Variants in ARSJ observed in about 807,000 individuals in gnomAD.
ARSJ encodes the protein arylsulfatase J.
In ARSJ, 26 loss-of-function variants were observed where a neutral mutation model predicts 35.9. The observed-to-expected ratio is 0.72, with a 90% CI of 0.53 to 1.00. The LOEUF (loss-of-function observed/expected upper bound fraction) is 1.00, where lower values mean the gene tolerates loss of function less well. Among genes scored for constraint, ARSJ ranks in the 50% least tolerant of loss-of-function variants. The pLI, the probability that ARSJ is intolerant of heterozygous loss-of-function variation, is 0.00. For missense variants in ARSJ, 667 were observed against 723.6 expected (o/e 0.92, Z 0.90); for synonymous variants, 294 against 267.6 (o/e 1.10, Z -0.96).
intron 1 of ARSJ, among the ~76,000 whole-genome samples, chr4:113,916,237 C>T (rs1329411811): frequency 3.3e-5 from 5 of 152,064 alleles, no homozygotes; most frequent in Admixed American, 2.6e-4. Flanking sequence ...GGAAACAATC[C>T]GGCCTACCTT....
Position 113,978,903 on chromosome 4 carries a change from G to T in ARSJ, c.-69C>A. The T allele has an allele frequency of 6.8e-7, 1 of 1,475,756 alleles. No homozygotes were observed. The highest frequency in any genetic ancestry group is 9.1e-7 in the Non-Finnish European group (1 of 1,100,484). 91.4% of individuals were successfully genotyped at this position (1,475,756 alleles called of 1,614,324 possible). On this transcript the variant is annotated 5_prime_UTR_variant, in exon 1 of 2. Transcript: ENST00000315366. ...CCCGCGCCGCTGCGGGCGCACACATGCACCCAACAGACGGTGAAGACTCTC... is the reference window on the plus strand; with the variant it reads ...CCCGCGCCGCTGCGGGCGCACACATTCACCCAACAGACGGTGAAGACTCTC...
intron 1 of ARSJ, among the ~76,000 whole-genome samples, chr4:113,917,919 T>G (rs1723419611): frequency 6.6e-6 from 1 of 152,182 alleles, no homozygotes; most frequent in Admixed American, 6.6e-5. Flanking sequence ...ACCATGAAGA[T>G]TAAATGAGCT....
rs552197052 is a variant in ARSJ at position 113,938,813 on chromosome 4, AG to A, written c.399-35139del. Among the ~76,000 whole-genome samples, 78 of 152,218 alleles carry A rather than the reference AG, an allele frequency of 5.1e-4. 1 individual carries two copies. Among genetic ancestry groups the A allele is most frequent in the African/African-American group, 1.6e-3 (65 of 41,574 alleles). ...CATTTATGTGGCCAAGAACCATACG[AG>A]AAAAGCTCAACATCACTGATCATTA... On this transcript the variant is annotated intron_variant, in intron 1 of 1. Transcript: ENST00000315366.
chr4:113,925,781 A>G (rs576584395), intron 1 of ARSJ, among the ~76,000 whole-genome samples: 71 of 152,280 alleles, frequency 4.7e-4, no homozygotes, highest in African/African-American at 1.7e-3. Flanking sequence ...GTAAATGTCT[A>G]TTCCAGTGAG....
At position 113,908,721 on chromosome 4, in the gene ARSJ, C is replaced by T. The variant is rs558036252; in HGVS notation, c.399-5046G>A. Reference sequence around the variant, plus strand: ...CGTTTACTTATTTATAAATTACACTCATGCATACTGTATTAATTTAGGAAC... The same window carrying T: ...CGTTTACTTATTTATAAATTACACTTATGCATACTGTATTAATTTAGGAAC... On this transcript the variant is annotated intron_variant, in intron 1 of 1. Transcript: ENST00000315366. Among the ~76,000 whole-genome samples the T allele has an allele frequency of 2.6e-5, 4 of 152,256 alleles. No homozygotes were observed. In the East Asian group the frequency reaches 7.7e-4, roughly 29 times the overall value.
At chr4:113,909,990 G>T (rs910383668) in intron 1 of ARSJ, among the ~76,000 whole-genome samples, 7 of 152,074 alleles carry the variant, frequency 4.6e-5, no homozygotes, top group African/African-American at 1.7e-4. Flanking sequence ...TTTAAAAATA[G>T]ATTTTTCATA....
chr4:113,914,763 G>A (rs559170972), intron 1 of ARSJ, among the ~76,000 whole-genome samples: 57 of 152,254 alleles, frequency 3.7e-4, no homozygotes, highest in African/African-American at 1.1e-3. Flanking sequence ...ACTGTACTGC[G>A]GAGAAACATA....
At chr4:113,967,882 T>G (rs1594512846) in intron 1 of ARSJ, among the ~76,000 whole-genome samples, 1 of 152,326 alleles carries the variant, frequency 6.6e-6, no homozygotes, top group East Asian at 1.9e-4. Context: ...TAAAATGTCA[T>G]TCTGACATTT....
intron 1 of ARSJ, among the ~76,000 whole-genome samples, chr4:113,921,333 G>A (rs1486155163): frequency 6.6e-6 from 1 of 152,088 alleles, no homozygotes; most frequent in Non-Finnish European, 1.5e-5. Context: ...TTAAGACTTT[G>A]GGGTGGGATG....
At chr4:113,924,841 A>G (rs4834366) in intron 1 of ARSJ, among the ~76,000 whole-genome samples, 110,060 of 152,074 alleles carry the variant, frequency 0.72, 40,374 homozygotes, top group East Asian at 0.81. Flanking sequence ...AGCTGGTCAC[A>G]TGGTCGTAGC....
intron 1 of ARSJ, among the ~76,000 whole-genome samples, chr4:113,940,875 G>A (rs984478527): frequency 6.6e-6 from 1 of 151,874 alleles, no homozygotes; most frequent in Non-Finnish European, 1.5e-5. Context: ...GGGCATATAT[G>A]TTAAGGCAAA....
At chr4:113,976,253 A>G (rs1454237943) in intron 1 of ARSJ, among the ~76,000 whole-genome samples, 1 of 152,194 alleles carries the variant, frequency 6.6e-6, no homozygotes, top group Non-Finnish European at 1.5e-5. Flanking sequence ...ATCATGTCAC[A>G]CTTCACATAA....
intron 1 of ARSJ, among the ~76,000 whole-genome samples, chr4:113,940,322 A>G (rs1220109800): frequency 6.6e-6 from 1 of 152,188 alleles, no homozygotes; most frequent in Non-Finnish European, 1.5e-5. Flanking sequence ...AAAAGGAATA[A>G]GATCATGTCC....
At chr4:113,933,064 G>A (rs1027615848) in intron 1 of ARSJ, among the ~76,000 whole-genome samples, 3 of 151,766 alleles carry the variant, frequency 2.0e-5, no homozygotes, top group Non-Finnish European at 4.4e-5. Context: ...AGAATATTTC[G>A]AGACTATTAC....
At chr4:113,959,403 TGAGTCA>T (rs1726399075) in intron 1 of ARSJ, among the ~76,000 whole-genome samples, 1 of 151,996 alleles carries the variant, frequency 6.6e-6, no homozygotes, top group Admixed American at 6.6e-5. Flanking sequence ...TGGCCAAACA[TGAGTCA>T]GAGTAATAAA....
chr4:113,908,532 A>T (rs2099669454), intron 1 of ARSJ, among the ~76,000 whole-genome samples: 1 of 152,144 alleles, frequency 6.6e-6, no homozygotes, highest in Non-Finnish European at 1.5e-5. Flanking sequence ...AATATATCAG[A>T]CTACAAATTT....
At position 113,952,953 on chromosome 4, in the gene ARSJ, C is replaced by A. The variant is rs1594482858; in HGVS notation, c.398+25484G>T. 6.6e-5 allele frequency among the ~76,000 whole-genome samples: 10 copies of A among 151,978 alleles called. No individual in the cohort carries two copies. In the South Asian group the frequency reaches 2.1e-3, roughly 32 times the overall value. ...TGAAATCTGCAGTCCAAGCTAAGAT[C>A]AAAATTATATCAATTCAGCAATAAT... On this transcript the variant is annotated intron_variant, in intron 1 of 1. Coordinates refer to ENST00000315366, the MANE Select transcript of ARSJ (RefSeq NM_024590.4).
At chr4:113,937,420 C>T (rs983101472) in intron 1 of ARSJ, among the ~76,000 whole-genome samples, 1 of 151,982 alleles carries the variant, frequency 6.6e-6, no homozygotes, top group African/African-American at 2.4e-5. Context: ...ATGACAAACC[C>T]ACAGTCAATA....
In ARSJ at chr4:113,978,632, G is replaced by A; in HGVS notation, c.203C>T (p.Pro68Leu). The A allele has an allele frequency of 6.2e-7, 1 of 1,614,148 alleles. No homozygotes were observed. Among genetic ancestry groups the A allele is most frequent in the Non-Finnish European group, 8.5e-7 (1 of 1,180,002 alleles). The change falls in exon 1 of 2, where the codon CCC becomes CTC. Residue 68 changes from proline to leucine, a missense_variant. Transcript: ENST00000315366. ...GGGCTGGGAGGTGGAAGTTGTGCTGGGCTCTAGTTTCTCTCCAGCTTGAGC... is the reference window on the plus strand; with the variant it reads ...GGGCTGGGAGGTGGAAGTTGTGCTGAGCTCTAGTTTCTCTCCAGCTTGAGC... The part of the protein sequence containing the change: ...LLAQAGEKLE[P>L]STTSTSQPHL...
Sources: gnomAD v4.1 joint callset for allele counts (sites outside exome capture counted in the v4.1 genomes callset) on GRCh38, gnomAD v4.1.1 for gene constraint, MANE v1.5 for transcripts, NCBI Gene and HGNC (gene_info 2026-07-23, HGNC 2026-07-21) for gene names.